BICC1: variants seen among roughly 807,000 people sequenced by gnomAD.
The protein encoded by BICC1 is protein bicaudal C homolog 1.
BICC1 carries 43 observed loss-of-function variants against 111.0 expected under a neutral mutation model. The observed-to-expected ratio is 0.39, with a 90% CI of 0.30 to 0.50. BICC1 has a LOEUF of 0.50. Among genes scored for constraint, BICC1 ranks in the 20% least tolerant of loss-of-function variants. The pLI, the probability that BICC1 is intolerant of heterozygous loss-of-function variation, is 0.88. For missense variants in BICC1, 1,091 were observed against 1,203.2 expected, an observed-to-expected ratio of 0.91 and a Z score of 1.38; for synonymous variants, 467 against 434.4, an observed-to-expected ratio of 1.07 and a Z score of -0.93.
At chr10:58,588,563 A>C (rs565602931) in intron 1 of BICC1, among the ~76,000 whole-genome samples, 1 of 152,248 alleles carries the variant, frequency 6.6e-6, no homozygotes, top group South Asian at 2.1e-4. Context: ...AGAGGGAAGA[A>C]AGGCATTTCT....
At chr10:58,568,974 A>G (rs1356234403) in intron 1 of BICC1, among the ~76,000 whole-genome samples, 1 of 152,188 alleles carries the variant, frequency 6.6e-6, no homozygotes, top group Admixed American at 6.5e-5. Context: ...TCCTAAGGAA[A>G]GATTTTTGTA....
At chr10:58,765,259 T>C (rs1842425700) in intron 3 of BICC1, among the ~76,000 whole-genome samples, 1 of 151,918 alleles carries the variant, frequency 6.6e-6, no homozygotes, top group South Asian at 2.1e-4. Context: ...TTTCAACATG[T>C]TGGCCAGGCT....
At chr10:58,585,510 CTA>C (rs1407599631) in intron 1 of BICC1, among the ~76,000 whole-genome samples, 1 of 152,214 alleles carries the variant, frequency 6.6e-6, no homozygotes, top group East Asian at 1.9e-4. Context: ...AAATTGAGAA[CTA>C]TTTTCTTTCT....
At chr10:58,697,457 A>G (rs973862497) in intron 2 of BICC1, among the ~76,000 whole-genome samples, 1 of 152,122 alleles carries the variant, frequency 6.6e-6, no homozygotes, top group Non-Finnish European at 1.5e-5. Context: ...CAATAATGAA[A>G]TTTTTTTAGA....
intron 2 of BICC1, among the ~76,000 whole-genome samples, chr10:58,665,820 C>A (rs1379234281): frequency 6.6e-6 from 1 of 152,074 alleles, no homozygotes; most frequent in East Asian, 1.9e-4. Flanking sequence ...CCTAATTTAC[C>A]CGTCTATTTC....
At chr10:58,798,611 GT>G in intron 11 of BICC1, 51 bp downstream of exon 11, 1 of 1,411,202 alleles carries the variant, frequency 7.1e-7, no homozygotes, top group Non-Finnish European at 9.3e-7. Flanking sequence ...GGTGTTACCA[GT>G]TTTTTAAATA....
At chr10:58,554,458 TA>T (rs1226614471) in intron 1 of BICC1, among the ~76,000 whole-genome samples, 5 of 152,202 alleles carry the variant, frequency 3.3e-5, no homozygotes, top group Non-Finnish European at 7.4e-5. Flanking sequence ...TAGATTCTCT[TA>T]TTAAACATGT....
chr10:58,533,448 G>A (rs755744326), intron 1 of BICC1, among the ~76,000 whole-genome samples: 6 of 151,710 alleles, frequency 4.0e-5, no homozygotes, highest in Non-Finnish European at 7.4e-5. Flanking sequence ...GGAACTTTTT[G>A]GAGCTTATGA....
intron 1 of BICC1, among the ~76,000 whole-genome samples, chr10:58,513,630 G>A (rs1359900812): frequency 6.6e-6 from 1 of 152,248 alleles, no homozygotes; most frequent in Non-Finnish European, 1.5e-5. Context: ...GGACTTTGGA[G>A]ATGCCAACTT....
chr10:58,607,585 A>C (rs1488273055), intron 1 of BICC1, among the ~76,000 whole-genome samples: 20 of 135,690 alleles, frequency 1.5e-4, no homozygotes, highest in African/African-American at 2.5e-4. Flanking sequence ...TCTCTTTCCC[A>C]CTCCTCCCTC....
intron 5 of BICC1, among the ~76,000 whole-genome samples, chr10:58,787,707 A>G (rs902042716): frequency 6.6e-6 from 1 of 152,232 alleles, no homozygotes; most frequent in Non-Finnish European, 1.5e-5. Flanking sequence ...TCTTTTCTCT[A>G]CAGGGACTAA....
chr10:58,781,665 T>C (rs1842887765), intron 3 of BICC1, among the ~76,000 whole-genome samples: 1 of 152,198 alleles, frequency 6.6e-6, no homozygotes, highest in African/African-American at 2.4e-5. Context: ...CTCTGTCAAG[T>C]ATTTGCAGAG....
At chr10:58,719,101 A>G (rs1840856616) in intron 3 of BICC1, among the ~76,000 whole-genome samples, 1 of 152,146 alleles carries the variant, frequency 6.6e-6, no homozygotes. Context: ...TCCATATGTA[A>G]AAGTATTTAA....
intron 1 of BICC1, among the ~76,000 whole-genome samples, chr10:58,566,704 A>C (rs1307865680): frequency 6.6e-6 from 1 of 151,954 alleles, no homozygotes; most frequent in Non-Finnish European, 1.5e-5. Flanking sequence ...TTTTTGCAGG[A>C]GTAAGGTTGT....
chr10:58,703,546 G>T (rs1375310938), intron 3 of BICC1, among the ~76,000 whole-genome samples: 2 of 152,158 alleles, frequency 1.3e-5, no homozygotes, highest in East Asian at 1.9e-4. Flanking sequence ...TGGTGAATTT[G>T]CAAGTGCAAT....
chr10:58,572,573 T>C lies in BICC1; in HGVS notation c.191-48282T>C, dbSNP rs1044843113. Among the ~76,000 whole-genome samples, 15 of 152,120 alleles carry C rather than the reference T, an allele frequency of 9.9e-5. 1 individual carries two copies. ...CATTTTTAATCTAGTGTGAAAATAG[T>C]GTTGATATGAGCAAACTTTATTCAG... On this transcript the variant is annotated intron_variant, in intron 1 of 20. Coordinates refer to ENST00000373886, the MANE Select transcript of BICC1 (RefSeq NM_001080512.3).
At chr10:58,629,321 T>G (rs1294258393) in intron 2 of BICC1, among the ~76,000 whole-genome samples, 2 of 151,920 alleles carry the variant, frequency 1.3e-5, no homozygotes, top group East Asian at 3.9e-4. Flanking sequence ...TAGATTGATT[T>G]TTTTTTTTCA....
At chr10:58,546,830 C>T (rs1341192335) in intron 1 of BICC1, among the ~76,000 whole-genome samples, 2 of 151,984 alleles carry the variant, frequency 1.3e-5, no homozygotes, top group African/African-American at 2.4e-5. Context: ...GATATTTGTA[C>T]TTTTTCAAAA....
At chr10:58,551,097 G>T (rs1248000895) in intron 1 of BICC1, among the ~76,000 whole-genome samples, 1 of 151,930 alleles carries the variant, frequency 6.6e-6, no homozygotes, top group African/African-American at 2.4e-5. Flanking sequence ...CTTTTTATCT[G>T]TTCCCCTGAT....
Sources: allele counts gnomAD v4.1 joint callset (sites outside exome capture counted in the v4.1 genomes callset), GRCh38; gene constraint gnomAD v4.1.1; transcripts MANE v1.5; gene names NCBI Gene and HGNC (gene_info 2026-07-23, HGNC 2026-07-21).